Variants in FRMPD4 observed in about 807,000 individuals in gnomAD.
The protein encoded by FRMPD4 is FERM and PDZ domain-containing protein 4.
Under a neutral mutation model 94.1 loss-of-function variants are expected in FRMPD4, and 22 were observed. That is an observed-to-expected ratio of 0.23 (90% CI 0.17 to 0.33). The LOEUF is 0.33. FRMPD4 is among the 10% of genes least tolerant of loss of function. The pLI is 1.00. For missense variants in FRMPD4, 1,111 were observed against 1,339.9 expected (o/e 0.83, Z 2.67); for synonymous variants, 631 against 548.6 (o/e 1.15, Z -2.10).
intron 1 of FRMPD4, among the ~76,000 whole-genome samples, chrX:12,430,118 C>G (rs972480887): frequency 8.9e-6 from 1 of 112,287 alleles, no homozygotes; most frequent in African/African-American, 3.2e-5. Flanking sequence ...TAATAGTTTT[C>G]TTTTACCTGA....
chrX:12,717,504 T>C lies in FRMPD4; in HGVS notation c.2678T>C (p.Val893Ala). 1 of 1,176,393 alleles carries C rather than the reference T, an allele frequency of 8.5e-7. No individual in the cohort carries two copies. The highest frequency in any genetic ancestry group is 1.2e-6 in the Non-Finnish European group (1 of 863,866). Residue 893 changes from valine to alanine, a missense_variant, in exon 16 of 17, where the codon GTA becomes GCA. This residue lies in a region of FRMPD4 where 74 missense variants were observed against 93.9 expected (regional missense o/e 0.79). Coordinates refer to ENST00000675598, the MANE Select transcript of FRMPD4 (RefSeq NM_001368397.1). The part of the protein sequence containing the change: ...EEQQTSDNSG[V>A]AILRAYSPES... ...TCTTGTTTTTTACGGCATGCAGGTG[T>C]AGCCATCTTGCGGGCTTATAGTCCT... is the stretch of plus-strand genomic sequence containing the variant.
intron 1 of FRMPD4, among the ~76,000 whole-genome samples, chrX:12,378,332 T>G (rs1277588322): frequency 8.9e-6 from 1 of 112,668 alleles, no homozygotes; most frequent in African/African-American, 3.2e-5. Context: ...TAGAGAGCTT[T>G]TCGCAATGTG....
chrX:12,679,306 A>G (rs2059938719), intron 5 of FRMPD4, among the ~76,000 whole-genome samples: 1 of 111,118 alleles, frequency 9.0e-6, no homozygotes, highest in Non-Finnish European at 1.9e-5. Flanking sequence ...CGGGAAAAAG[A>G]AGTTTTTTTT....
intron 1 of FRMPD4, among the ~76,000 whole-genome samples, chrX:12,413,874 AC>A (rs2056766003): frequency 9.0e-6 from 1 of 111,433 alleles, no homozygotes; most frequent in Non-Finnish European, 1.9e-5. Context: ...CCAGCCAACA[AC>A]CCTCCAGAAT....
rs12392914 is a variant in FRMPD4, at chrX:12,330,277, G to A, written c.42-168403G>A. On this transcript the variant is annotated intron_variant, in intron 1 of 16. Transcript: ENST00000675598. Reference sequence around the variant, plus strand: ...AGTAATGATTAAGTTACCATATCCCGTGATAATGTCATGATCATCTTTAAT... The same window carrying A: ...AGTAATGATTAAGTTACCATATCCCATGATAATGTCATGATCATCTTTAAT... Among the ~76,000 whole-genome samples, 545 of 110,881 alleles carry A rather than the reference G, an allele frequency of 4.9e-3. 4 individuals carry two copies. Among genetic ancestry groups the A allele is most frequent in the African/African-American group, 0.017 (506 of 30,527 alleles).
chrX:11,955,139 T>C (rs1416146169), intron 3 of FRMPD4, among the ~76,000 whole-genome samples: 1 of 111,030 alleles, frequency 9.0e-6, no homozygotes, highest in African/African-American at 3.3e-5. Context: ...TTGCATCTGT[T>C]TGATAAAGGC....
At chrX:12,383,662 T>G (rs1463508039) in intron 1 of FRMPD4, among the ~76,000 whole-genome samples, 2 of 111,723 alleles carry the variant, frequency 1.8e-5, no homozygotes, top group Non-Finnish European at 3.8e-5. Context: ...TTTTAATAAA[T>G]GAGGGCAAAC....
chrX:11,994,498 A>C (rs945342163), intron 3 of FRMPD4, among the ~76,000 whole-genome samples: 3 of 111,177 alleles, frequency 2.7e-5, no homozygotes, highest in African/African-American at 9.8e-5. Flanking sequence ...TTGTGATAAG[A>C]AGATTGCAGG....
rs764875966 is a variant in FRMPD4, at chrX:12,716,757, C to T, written c.2298C>T (p.Asn766=). Residue 766 remains asparagine, a synonymous_variant, in exon 15 of 17, where the codon AAC becomes AAT. Transcript: ENST00000675598. The stretch of plus-strand genomic sequence containing the variant: ...AGGACCTCGTGGTGGGGGAGATGAA[C>T]CAGCCGGCCATCCTCAACCTGTCTG... ...CEEDLVVGEM[N]QPAILNLSGS... 5.0e-6 allele frequency: 6 copies of T among 1,210,863 alleles called. No individual in the cohort carries two copies. In the Admixed American group the frequency reaches 1.3e-4, roughly 26 times the overall value.
chrX:11,837,245 C>T (rs369545932), intron 1 of FRMPD4, among the ~76,000 whole-genome samples: 1 of 111,822 alleles, frequency 8.9e-6, no homozygotes, highest in East Asian at 2.8e-4. Flanking sequence ...GTTTATATTT[C>T]AGTTCATTTT....
At chrX:12,372,373 T>C (rs889294874) in intron 1 of FRMPD4, among the ~76,000 whole-genome samples, 1 of 113,018 alleles carries the variant, frequency 8.8e-6, no homozygotes, top group African/African-American at 3.2e-5. Flanking sequence ...CCAGACCAGT[T>C]ACATCAGAAT....
intron 1 of FRMPD4, among the ~76,000 whole-genome samples, chrX:12,145,852 G>T (rs761304738): frequency 1.4e-3 from 154 of 111,920 alleles, no homozygotes; most frequent in Non-Finnish European, 2.0e-3. Flanking sequence ...GGATATGGTT[G>T]GAGATTCACC....
intron 2 of FRMPD4, among the ~76,000 whole-genome samples, chrX:11,874,928 G>C (rs757337070): frequency 1.5e-3 from 164 of 112,012 alleles, no homozygotes; most frequent in Non-Finnish European, 2.5e-3. Context: ...TTCCTTAACA[G>C]GATTGGCACT....
At chrX:11,982,693 C>G (rs777415197) in intron 3 of FRMPD4, among the ~76,000 whole-genome samples, 1 of 111,442 alleles carries the variant, frequency 9.0e-6, no homozygotes, top group African/African-American at 3.2e-5. Flanking sequence ...TTTAATCTGT[C>G]TATTAAGGTT....
At chrX:11,848,473 A>G (rs1433599032) in intron 1 of FRMPD4, among the ~76,000 whole-genome samples, 1 of 108,947 alleles carries the variant, frequency 9.2e-6, no homozygotes, top group African/African-American at 3.3e-5. Context: ...GGGCTAGGGA[A>G]TATATTCAGT....
chrX:12,589,608 G>A (rs769194319), intron 2 of FRMPD4, among the ~76,000 whole-genome samples: 15 of 111,601 alleles, frequency 1.3e-4, no homozygotes, highest in Non-Finnish European at 2.8e-4. Flanking sequence ...TATCCAACCT[G>A]CATTTTCATC....
At chrX:12,361,426 G>A (rs983636153) in intron 1 of FRMPD4, among the ~76,000 whole-genome samples, 49 of 112,184 alleles carry the variant, frequency 4.4e-4, no homozygotes, top group African/African-American at 1.6e-3. Context: ...ACCTCTCTGT[G>A]ATAATTTAGA....
chrX:12,388,852 C>CACAT (rs1377422153), intron 1 of FRMPD4, among the ~76,000 whole-genome samples: 7 of 76,221 alleles, frequency 9.2e-5, no homozygotes, highest in African/African-American at 4.9e-4. Context: ...TATATATATA[C>CACAT]ACACAATGGA....
chrX:11,845,527 T>C (rs1032004863), intron 1 of FRMPD4, among the ~76,000 whole-genome samples: 24 of 108,663 alleles, frequency 2.2e-4, no homozygotes, highest in African/African-American at 8.0e-4. Flanking sequence ...TAACTCATTT[T>C]ATGAGGCCAG....
Sources: gnomAD v4.1 joint callset for allele counts (sites outside exome capture counted in the v4.1 genomes callset) on GRCh38, gnomAD v4.1.1 for gene constraint, gnomAD v4.1.1 regional missense constraint, MANE v1.5 for transcripts, NCBI Gene and HGNC (gene_info 2026-07-23, HGNC 2026-07-21) for gene names.